Variants in RBFOX3 observed in about 807,000 individuals in gnomAD.
RBFOX3 encodes RNA binding protein fox-1 homolog 3.
RBFOX3 carries 17 observed loss-of-function variants against 48.7 expected under a neutral mutation model. That is an observed-to-expected ratio of 0.35 (90% confidence interval 0.24 to 0.52). The LOEUF (loss-of-function observed/expected upper bound fraction) is 0.52. RBFOX3 is among the 20% of genes least tolerant of loss of function. RBFOX3 has a pLI of 0.94. For missense variants in RBFOX3, 382 were observed against 497.5 expected (o/e 0.77, Z 2.21); for synonymous variants, 212 against 209.5 (o/e 1.01, Z -0.10).
intron 1 of RBFOX3, among the ~76,000 whole-genome samples, chr17:79,496,163 G>A (rs2081505554): frequency 6.6e-6 from 1 of 152,080 alleles, no homozygotes; most frequent in Non-Finnish European, 1.5e-5. Flanking sequence ...AGGGCTACTG[G>A]TGACCTGAGG....
intron 1 of RBFOX3, among the ~76,000 whole-genome samples, chr17:79,494,289 G>A (rs1335695908): frequency 6.6e-6 from 1 of 152,180 alleles, no homozygotes; most frequent in African/African-American, 2.4e-5. Flanking sequence ...CAGCCAGGCA[G>A]GGCAGGAGAA....
intron 1 of RBFOX3, among the ~76,000 whole-genome samples, chr17:79,492,067 C>T (rs1301469800): frequency 1.3e-5 from 2 of 152,284 alleles, no homozygotes; most frequent in Non-Finnish European, 1.5e-5. Flanking sequence ...CAGAGCAAGA[C>T]TCTGTCTCAA....
At chr17:79,504,028 AGGTGGC>A (rs2082733056) in intron 1 of RBFOX3, among the ~76,000 whole-genome samples, 2 of 149,000 alleles carry the variant, frequency 1.3e-5, no homozygotes, top group African/African-American at 5.1e-5. Context: ...AGGGTGCTCC[AGGTGGC>A]AGGGTGCTCC....
chr17:79,384,119 G>A (rs2060271329), intron 2 of RBFOX3, among the ~76,000 whole-genome samples: 1 of 152,220 alleles, frequency 6.6e-6, no homozygotes, highest in African/African-American at 2.4e-5. Context: ...CGGGCTCAGG[G>A]CGAGGGCTGT....
intron 4 of RBFOX3, among the ~76,000 whole-genome samples, chr17:79,154,017 C>T (rs990219251): frequency 1.3e-5 from 2 of 152,142 alleles, no homozygotes; most frequent in Non-Finnish European, 2.9e-5. Flanking sequence ...CACACTGGAC[C>T]GTGCCTCTCT....
Position 79,118,991 on chromosome 17 carries a change from A to T in RBFOX3, c.-33-3243T>A, listed in dbSNP as rs376762438. Among the ~76,000 whole-genome samples the T allele has an allele frequency of 3.9e-3, 581 of 147,176 alleles. 3 individuals are homozygous for T. Among genetic ancestry groups the T allele is most frequent in the Middle Eastern group, 6.8e-3 (2 of 292 alleles). ...CCCCTGTCTCAAAAAAAAAAAAAAA[A>T]AATAAAGAAAATAAAATAAAAAAGA... On this transcript the variant is annotated intron_variant, in intron 4 of 14. Coordinates refer to ENST00000693108, the MANE Select transcript of RBFOX3 (RefSeq NM_001350451.2).
intron 1 of RBFOX3, among the ~76,000 whole-genome samples, chr17:79,527,948 G>A (rs1301569415): frequency 6.6e-6 from 1 of 152,156 alleles, no homozygotes; most frequent in African/African-American, 2.4e-5. Flanking sequence ...GCCGAGTCAG[G>A]GCTTGCTGTG....
chr17:79,106,655 A>G lies in RBFOX3; in HGVS notation c.356T>C (p.Phe119Ser). The change falls in exon 6 of 15, where the codon TTC becomes TCC. Residue 119 changes from phenylalanine (F) to serine (S), a missense_variant. By Grantham distance (155) the Phe-to-Ser change is radical. Coordinates refer to ENST00000693108, the MANE Select transcript of RBFOX3 (RefSeq NM_001350451.2). ...GGTGGGGCCGCGCACACTCACCCCG[A>G]ACATTTGCCGCAAGTCGGGGTCCCT... is the stretch of plus-strand genomic sequence containing the variant. ...RFRDPDLRQM[F>S]GQFGKILDVE... The G allele has an allele frequency of 6.8e-7, 1 of 1,476,052 alleles. No individual in the cohort carries two copies. Among genetic ancestry groups the G allele is most frequent in the Non-Finnish European group, 8.9e-7 (1 of 1,117,800 alleles). The allele number at this position is 1,476,052 out of a possible 1,614,324, so 91.4% of individuals were successfully genotyped here.
chr17:79,508,495 C>A (rs1004199046), intron 1 of RBFOX3, among the ~76,000 whole-genome samples: 1 of 152,218 alleles, frequency 6.6e-6, no homozygotes, highest in African/African-American at 2.4e-5. Flanking sequence ...CAGTGCCTCC[C>A]TCCTCTCTCT....
At chr17:79,529,062 G>A (rs1599051088) in intron 1 of RBFOX3, among the ~76,000 whole-genome samples, 2 of 152,220 alleles carry the variant, frequency 1.3e-5, no homozygotes, top group African/African-American at 4.8e-5. Context: ...ACACCTCCAT[G>A]TGAATGGATG....
chr17:79,130,167 C>T (rs2612789), intron 4 of RBFOX3, among the ~76,000 whole-genome samples: 72,611 of 152,052 alleles, frequency 0.48, 18,671 homozygotes, highest in Non-Finnish European at 0.6. Flanking sequence ...GGCTGTCGGA[C>T]GCCCCGCCAC....
intron 2 of RBFOX3, among the ~76,000 whole-genome samples, chr17:79,352,261 C>T (rs1160224533): frequency 4.6e-5 from 7 of 152,136 alleles, no homozygotes; most frequent in Admixed American, 4.6e-4. Context: ...CTAGTGCTAT[C>T]TCATGAGTGA....
At chr17:79,411,823 G>A (rs1243812074) in intron 2 of RBFOX3, among the ~76,000 whole-genome samples, 2 of 152,238 alleles carry the variant, frequency 1.3e-5, no homozygotes, top group Non-Finnish European at 2.9e-5. Context: ...CTGAATGAAT[G>A]AACAATGAAG....
chr17:79,464,568 G>T (rs1277705405), intron 2 of RBFOX3, among the ~76,000 whole-genome samples: 1 of 152,252 alleles, frequency 6.6e-6, no homozygotes, highest in Non-Finnish European at 1.5e-5. Flanking sequence ...GACGCCGGGG[G>T]GAGGCAAGGA....
rs1247725073 is a variant in RBFOX3 at position 79,254,896 on chromosome 17, C to T, written c.-73-19091G>A. 6.6e-6 allele frequency among the ~76,000 whole-genome samples: 1 copy of T among 152,164 alleles called. No homozygotes were observed. Among genetic ancestry groups the T allele is most frequent in the South Asian group, 2.1e-4 (1 of 4,830 alleles). ...AGGACAACGTGGGGCTTCAGGCTGA[C>T]ATGCTGGGATTGGCAACACCCCAGA... On this transcript the variant is annotated intron_variant, in intron 3 of 14. Coordinates refer to ENST00000693108, the MANE Select transcript of RBFOX3 (RefSeq NM_001350451.2). This position sits in a 1 kb window ranked among gnomAD's most constrained non-coding sequence, Gnocchi z 4.8.
At chr17:79,357,481 A>T (rs1165727054) in intron 2 of RBFOX3, among the ~76,000 whole-genome samples, 1 of 152,126 alleles carries the variant, frequency 6.6e-6, no homozygotes, top group African/African-American at 2.4e-5. Context: ...TATAAAAAAA[A>T]TTAGCTGGGT....
chr17:79,607,111 C>T (rs957142971), intron 1 of RBFOX3, among the ~76,000 whole-genome samples: 270 of 152,138 alleles, frequency 1.8e-3, no homozygotes, highest in African/African-American at 6.1e-3. Context: ...GAGGTACAAA[C>T]GGGATGTGTT....
chr17:79,119,551 C>T (rs976743262), intron 4 of RBFOX3, among the ~76,000 whole-genome samples: 4 of 152,152 alleles, frequency 2.6e-5, no homozygotes, highest in African/African-American at 9.7e-5. Flanking sequence ...AGCCAAGCAT[C>T]GGGGTCTAGA....
intron 3 of RBFOX3, among the ~76,000 whole-genome samples, chr17:79,264,718 G>C (rs2066382347): frequency 6.6e-6 from 1 of 152,124 alleles, no homozygotes; most frequent in Admixed American, 6.5e-5. Context: ...TCCTCCCTGG[G>C]ACCTTAGCAA....
Sources: allele counts gnomAD v4.1 joint callset (sites outside exome capture counted in the v4.1 genomes callset), GRCh38; gene constraint gnomAD v4.1.1; non-coding constraint Gnocchi (gnomAD v3.1); transcripts MANE v1.5; gene names NCBI Gene and HGNC (gene_info 2026-07-23, HGNC 2026-07-21).